MFHAS1: variants seen among roughly 807,000 people sequenced by gnomAD.
MFHAS1 encodes malignant fibrous histiocytoma-amplified sequence 1.
MFHAS1 carries 50 observed loss-of-function variants against 70.4 expected under a neutral mutation model. The ratio of observed to expected loss-of-function variants is 0.71; its 90% CI spans 0.57 to 0.90. The LOEUF is 0.90. Ranked by LOEUF, MFHAS1 falls within the 40% of genes least tolerant of loss-of-function variation. MFHAS1 has a pLI of 0.00. For missense variants in MFHAS1, 1,795 were observed against 1,347.6 expected (o/e 1.33, Z -5.20); for synonymous variants, 952 against 620.0 (o/e 1.54, Z -7.96).
At chr8:8,814,409 T>C (rs895261978) in intron 1 of MFHAS1, among the ~76,000 whole-genome samples, 1 of 152,240 alleles carries the variant, frequency 6.6e-6, no homozygotes, top group Non-Finnish European at 1.5e-5. Context: ...TGTAGTAGGC[T>C]AGACCATCTA....
In MFHAS1 at chr8:8,890,578, C is replaced by G. The variant is rs2116949450; in HGVS notation, c.2481G>C (p.Met827Ile). The change falls in exon 1 of 3, where the codon ATG (methionine) becomes ATC (isoleucine). Residue 827 changes from methionine to isoleucine, a missense_variant. Transcript: ENST00000276282. ...LQLLLELLEKMGLCYCLNKPK... is the reference protein window; with the variant it reads ...LQLLLELLEKIGLCYCLNKPK... ...GTTTATTGAGGCAGTAACAGAGTCC[C>G]ATCTTCTCCAGCAGCTCCAGCAACA... The G allele has an allele frequency of 1.9e-6, 3 of 1,613,748 alleles. No individual in the cohort carries two copies. The highest frequency in any genetic ancestry group is 4.5e-5 in the East Asian group (2 of 44,892).
chr8:8,785,735 G>C lies in MFHAS1; in HGVS notation c.*287C>G, dbSNP rs113668690. On this transcript the variant is annotated 3_prime_UTR_variant, in exon 3 of 3. Transcript: ENST00000276282. The stretch of plus-strand genomic sequence containing the variant: ...AAACAAAATCCCTGAGAAGCCATTC[G>C]ACTTTTTTTTTTTTTTTTTCTTTTC... The C allele has an allele frequency of 5.4e-3, 1,933 of 356,022 alleles. 35 individuals are homozygous for C. The highest frequency in any genetic ancestry group is 0.042 in the African/African-American group (1,788 of 42,222). The allele number at this position is 356,022 out of a possible 1,614,324, so 22.1% of individuals were successfully genotyped here. A position where few individuals can be genotyped will look rare whatever the true frequency, so the allele number is the denominator to read the frequency against.
chr8:8,791,184 A>G (rs1265716462), intron 2 of MFHAS1, among the ~76,000 whole-genome samples: 2 of 150,898 alleles, frequency 1.3e-5, no homozygotes, highest in Non-Finnish European at 2.9e-5. Context: ...ATCAGAATGA[A>G]CTAACTTCTT....
chr8:8,866,353 C>T (rs1402224982), intron 1 of MFHAS1, among the ~76,000 whole-genome samples: 2 of 150,670 alleles, frequency 1.3e-5, no homozygotes, highest in Non-Finnish European at 2.9e-5. Context: ...CAGGGTCTTA[C>T]TGTCCTCTAG....
chr8:8,884,082 A>ACAC (rs1491204286), intron 1 of MFHAS1, among the ~76,000 whole-genome samples: 5 of 143,514 alleles, frequency 3.5e-5, no homozygotes, highest in Non-Finnish European at 7.5e-5. Flanking sequence ...ACACACACAC[A>ACAC]AAAAGAAAAA....
chr8:8,865,499 G>A (rs75022420), intron 1 of MFHAS1, among the ~76,000 whole-genome samples: 6,919 of 152,128 alleles, frequency 0.045, 239 homozygotes, highest in Admixed American at 0.12. Flanking sequence ...CTCGATGAAA[G>A]CTAAACACAA....
intron 1 of MFHAS1, among the ~76,000 whole-genome samples, chr8:8,856,236 G>C (rs1246521060): frequency 6.6e-6 from 1 of 152,212 alleles, no homozygotes; most frequent in African/African-American, 2.4e-5. Flanking sequence ...TGGTACAAGA[G>C]TCACTGGTCA....
intron 1 of MFHAS1, among the ~76,000 whole-genome samples, chr8:8,831,616 A>ATT (rs373603367): frequency 7.4e-4 from 106 of 142,808 alleles, no homozygotes; most frequent in African/African-American, 1.6e-3. Context: ...TAAATGGTCA[A>ATT]TTTTTTTTTT....
At chr8:8,872,452 T>C (rs944592463) in intron 1 of MFHAS1, among the ~76,000 whole-genome samples, 2 of 152,188 alleles carry the variant, frequency 1.3e-5, no homozygotes, top group Non-Finnish European at 2.9e-5. Flanking sequence ...GCCGGATGCA[T>C]GGCAGTTTAT....
At chr8:8,834,933 G>C (rs546952899) in intron 1 of MFHAS1, among the ~76,000 whole-genome samples, 2 of 152,306 alleles carry the variant, frequency 1.3e-5, no homozygotes, top group African/African-American at 4.8e-5. Context: ...CTTTTAATGA[G>C]TTCTCTGGAT....
chr8:8,866,090 C>T (rs562050190), intron 1 of MFHAS1, among the ~76,000 whole-genome samples: 2 of 152,312 alleles, frequency 1.3e-5, no homozygotes, highest in African/African-American at 4.8e-5. Context: ...CTACTCCTAG[C>T]TGAAGTGCTT....
intron 1 of MFHAS1, among the ~76,000 whole-genome samples, chr8:8,814,094 C>T (rs1806648020): frequency 6.6e-6 from 1 of 152,026 alleles, no homozygotes; most frequent in South Asian, 2.1e-4. Context: ...TGTGCCACCA[C>T]GCCCAGCTAA....
At chr8:8,796,981 GCGAGACT>G (rs1805925085) in intron 2 of MFHAS1, among the ~76,000 whole-genome samples, 1 of 152,114 alleles carries the variant, frequency 6.6e-6, no homozygotes, top group Admixed American at 6.6e-5. Context: ...GGGTGACAGA[GCGAGACT>G]CCATCTCAAA....
chr8:8,891,242 C>T lies in MFHAS1; in HGVS notation c.1817G>A (p.Arg606His), dbSNP rs753481897. 6.2e-7 allele frequency: 1 copy of T among 1,612,122 alleles called. No homozygotes were observed. Among genetic ancestry groups the T allele is most frequent in the Non-Finnish European group, 8.5e-7 (1 of 1,180,014 alleles). The change falls in exon 1 of 3, where the codon CGC (arginine) becomes CAC (histidine). Residue 606 changes from arginine to histidine, a missense_variant. Coordinates refer to ENST00000276282, the MANE Select transcript of MFHAS1 (RefSeq NM_004225.3). The surrounding 1 kb of genome is among the most constrained non-coding windows in gnomAD (Gnocchi z 5.4). ...GAGCAGGTATTGAAAATGGGCCTTG[C>T]GCCGTCGAAGGTTCTTGTCCGAAAC... ...YGVSDKNLRR[R>H]KAHFQYLLNH...
At chr8:8,807,705 G>A (rs1806378954) in intron 1 of MFHAS1, among the ~76,000 whole-genome samples, 1 of 152,204 alleles carries the variant, frequency 6.6e-6, no homozygotes, top group Non-Finnish European at 1.5e-5. Flanking sequence ...GAGCTGGTGT[G>A]AAAGGCTGAG....
At position 8,892,341 on chromosome 8, in the gene MFHAS1, C is replaced by A. The variant is rs749812977; in HGVS notation, c.718G>T (p.Gly240Cys). ...KILWLSGAEL[G>C]TLPAGFCELA... The stretch of plus-strand genomic sequence containing the variant: ...TCGCAGAAGCCGGCGGGCAGCGTGC[C>A]AAGCTCGGCCCCACTCAGCCAGAGG... The change falls in exon 1 of 3, where the codon GGC becomes TGC. Residue 240 changes from glycine (G) to cysteine (C), a missense_variant. Physicochemically the swap from Gly to Cys is radical, Grantham distance 159. Transcript: ENST00000276282. This position sits in a 1 kb window ranked among gnomAD's most constrained non-coding sequence, Gnocchi z 4.7. The A allele has an allele frequency of 3.1e-6, 5 of 1,611,912 alleles. No individual in the cohort carries two copies. The highest frequency in any genetic ancestry group is 4.5e-5 in the East Asian group (2 of 44,848).
At position 8,850,813 on chromosome 8, in the gene MFHAS1, A is replaced by C. The variant is rs1409843176; in HGVS notation, c.2998+39248T>G. ...GCAACAGGAGTGAAACTCCGTCTCA[A>C]AAAAAAAAAAAAAAAAAAAAATCAG... On this transcript the variant is annotated intron_variant, in intron 1 of 2. Coordinates refer to ENST00000276282, the MANE Select transcript of MFHAS1 (RefSeq NM_004225.3). Among the ~76,000 whole-genome samples the C allele has an allele frequency of 4.5e-4, 11 of 24,572 alleles. No individual in the cohort carries two copies. In the Admixed American group the frequency reaches 6.5e-3, roughly 15 times the overall value. The allele number at this position is 24,572 out of a possible 152,430, so 16.1% of individuals were successfully genotyped here.
intron 1 of MFHAS1, among the ~76,000 whole-genome samples, chr8:8,862,767 C>T (rs374023214): frequency 6.6e-6 from 1 of 152,274 alleles, no homozygotes; most frequent in South Asian, 2.1e-4. Context: ...CGATTGTAAC[C>T]AGTCCCACTG....
chr8:8,821,981 T>C (rs1056128915), intron 1 of MFHAS1: 1 of 152,260 alleles, frequency 6.6e-6, no homozygotes, highest in Non-Finnish European at 1.5e-5. Context: ...TAGGCCTGAG[T>C]GCACACGTCT....
Sources: allele counts gnomAD v4.1 joint callset (sites outside exome capture counted in the v4.1 genomes callset), GRCh38; gene constraint gnomAD v4.1.1; non-coding constraint Gnocchi (gnomAD v3.1); transcripts MANE v1.5; gene names NCBI Gene and HGNC (gene_info 2026-07-23, HGNC 2026-07-21).